The following FAM83G variants were observed in gnomAD, a reference collection of about 807,000 sequenced individuals.
The protein encoded by FAM83G is scaffolding CK1 anchoring protein G.
FAM83G carries 38 observed loss-of-function variants against 61.5 expected under a neutral mutation model. The ratio of observed to expected loss-of-function variants is 0.62; its 90% confidence interval spans 0.48 to 0.81. FAM83G has a LOEUF of 0.81. FAM83G is among the 30% of genes least tolerant of loss of function. FAM83G has a pLI of 0.00. For synonymous variants in FAM83G, 470 were observed against 476.1 expected (o/e 0.99, Z 0.17); for missense variants, 989 against 1,133.6 (o/e 0.87, Z 1.83).
rs2043829966 is a variant in FAM83G at position 19,004,641 on chromosome 17, A to G, written c.-129+68T>C. 6.6e-6 allele frequency: 1 copy of G among 150,672 alleles called. No homozygotes were observed. Among genetic ancestry groups the G allele is most frequent in the African/African-American group, 2.4e-5 (1 of 41,130 alleles). 9.3% of individuals were successfully genotyped at this position (150,672 alleles called of 1,614,324 possible). A position where few individuals can be genotyped will look rare whatever the true frequency, so the allele number is the denominator to read the frequency against. ...TGGGAGGGGTCCAGGAGACCCAGAA[A>G]CGCGGTTGCGGGGCGGCGACGCCCC... On this transcript the variant is annotated intron_variant, in intron 1 of 5. Transcript: ENST00000388995. This position sits in a 1 kb window ranked among gnomAD's most constrained non-coding sequence, Gnocchi z 5.4.
intron 2 of FAM83G, among the ~76,000 whole-genome samples, chr17:18,997,838 A>G (rs2043605727): frequency 6.6e-6 from 1 of 152,176 alleles, no homozygotes; most frequent in South Asian, 2.1e-4. Context: ...TCTGGCATCT[A>G]CCGATGCCAG....
chr17:19,001,313 C>T (rs2152141255), intron 2 of FAM83G, among the ~76,000 whole-genome samples: 1 of 152,326 alleles, frequency 6.6e-6, no homozygotes, highest in East Asian at 1.9e-4. Context: ...CCCTGTCCTT[C>T]TCTGTGCCTC....
In FAM83G at chr17:19,003,679, G is replaced by C. The variant is rs890948906; in HGVS notation, c.363C>G (p.Pro121=). 6.2e-7 allele frequency: 1 copy of C among 1,610,916 alleles called. No homozygotes were observed. Among genetic ancestry groups the C allele is most frequent in the Non-Finnish European group, 8.5e-7 (1 of 1,178,912 alleles). ...GCGGGATGGAGCGGTCCGACTTCTG[G>C]GGCCAGTACTCCAGGGAGGGCAGCG... ...AEPLPSLEYW[P]QKSDRSIPQL... Residue 121 remains proline, a synonymous_variant, in exon 2 of 6, where the codon CCC becomes CCG. Transcript: ENST00000388995. This position sits in a 1 kb window ranked among gnomAD's most constrained non-coding sequence, Gnocchi z 4.5.
At chr17:18,985,236 C>CA (rs2043240594) in intron 3 of FAM83G, among the ~76,000 whole-genome samples, 1 of 152,354 alleles carries the variant, frequency 6.6e-6, no homozygotes, top group African/African-American at 2.4e-5. Flanking sequence ...CTCCTTCACT[C>CA]TTCACAGCAC....
In FAM83G at chr17:19,003,870, A is replaced by T. The variant is rs2043803679; in HGVS notation, c.172T>A (p.Phe58Ile). 2 of 1,612,890 alleles carry T rather than the reference A, an allele frequency of 1.2e-6. No individual in the cohort carries two copies. Among genetic ancestry groups the T allele is most frequent in the Non-Finnish European group, 1.7e-6 (2 of 1,179,920 alleles). The change falls in exon 2 of 6, where the codon TTC becomes ATC. Residue 58 changes from phenylalanine to isoleucine, a missense_variant. Physicochemically the swap from Phe to Ile is conservative, Grantham distance 21. Transcript: ENST00000388995. The surrounding 1 kb of genome is among the most constrained non-coding windows in gnomAD (Gnocchi z 4.5). The part of the protein sequence containing the change: ...EVLKRENIRD[F>I]LSELELKRIL... The stretch of plus-strand genomic sequence containing the variant: ...CGCTTGAGCTCCAGCTCCGAGAGGA[A>T]GTCTCGGATGTTCTCCCGCTTGAGC...
At chr17:19,002,301 C>T (rs1175853607) in intron 2 of FAM83G, among the ~76,000 whole-genome samples, 1 of 152,188 alleles carries the variant, frequency 6.6e-6, no homozygotes, top group African/African-American at 2.4e-5. Context: ...GGCCAGGCGC[C>T]CCCACCCAGC....
intron 2 of FAM83G, among the ~76,000 whole-genome samples, chr17:18,997,814 G>A (rs1277662112): frequency 1.3e-5 from 2 of 152,240 alleles, no homozygotes; most frequent in Non-Finnish European, 2.9e-5. Context: ...AGGTGGAGGA[G>A]GCGAGGGGAG....
chr17:19,005,186 G>A (rs538236634), upstream of FAM83G, among the ~76,000 whole-genome samples: 6 of 152,348 alleles, frequency 3.9e-5, no homozygotes, highest in African/African-American at 1.4e-4. Flanking sequence ...CCCCAGGCAG[G>A]GATAGGGCAC....
At chr17:19,002,625 T>C (rs982340241) in intron 2 of FAM83G, among the ~76,000 whole-genome samples, 1 of 152,184 alleles carries the variant, frequency 6.6e-6, no homozygotes, top group Non-Finnish European at 1.5e-5. Context: ...GCTTTATCTA[T>C]CAAATTAAGA....
intron 3 of FAM83G, among the ~76,000 whole-genome samples, chr17:18,986,605 G>C (rs1409558578): frequency 6.6e-6 from 1 of 152,246 alleles, no homozygotes; most frequent in Non-Finnish European, 1.5e-5. Context: ...TGGAAACTCA[G>C]AACTCTGCAA....
At position 19,003,903 on chromosome 17, in the gene FAM83G, A is replaced by T. The variant is rs749914318; in HGVS notation, c.139T>A (p.Tyr47Asn). 8.1e-5 allele frequency: 131 copies of T among 1,612,850 alleles called. No individual in the cohort carries two copies. The highest frequency in any genetic ancestry group is 1.1e-4 in the Non-Finnish European group (125 of 1,179,930). Residue 47 changes from tyrosine (Y) to asparagine (N), a missense_variant, in exon 2 of 6, where the codon TAC becomes AAC. Physicochemically the swap from Tyr to Asn is moderately radical, Grantham distance 143. Transcript: ENST00000388995. This position sits in a 1 kb window ranked among gnomAD's most constrained non-coding sequence, Gnocchi z 4.5. ...ATGTTCTCCCGCTTGAGCACCTCGT[A>T]GAAGGCGTCCCGGCCGCGGGCCACC... The part of the protein sequence containing the change: ...ALVARGRDAF[Y>N]EVLKRENIRD...
In FAM83G at chr17:18,970,979, C is replaced by G; in HGVS notation, c.*380G>C. The G allele has an allele frequency of 1.9e-6, 3 of 1,608,108 alleles. No homozygotes were observed. Among genetic ancestry groups the G allele is most frequent in the Non-Finnish European group, 2.6e-6 (3 of 1,175,252 alleles). On this transcript the variant is annotated 3_prime_UTR_variant, in exon 6 of 6. Transcript: ENST00000388995. ...CCAGGGAGTCAGGGCCCCGCAACCA[C>G]CAAACTGTCCCTGTTCCACCCTGAC... is the stretch of plus-strand genomic sequence containing the variant.
intron 2 of FAM83G, 119 bp from the exon 3 acceptor site, chr17:18,988,533 C>T: frequency 6.7e-7 from 1 of 1,502,056 alleles, no homozygotes; most frequent in Non-Finnish European, 9.0e-7. Context: ...CACTCTGGCC[C>T]TACTCCTGGA....
intron 2 of FAM83G, among the ~76,000 whole-genome samples, chr17:18,989,354 G>A (rs925233253): frequency 3.3e-5 from 5 of 152,306 alleles, no homozygotes; most frequent in Admixed American, 2.0e-4. Flanking sequence ...TGGTGGAGGC[G>A]GCCTGGAGCC....
intron 3 of FAM83G, among the ~76,000 whole-genome samples, chr17:18,979,988 C>G (rs1036566571): frequency 1.3e-5 from 2 of 152,160 alleles, no homozygotes; most frequent in Non-Finnish European, 2.9e-5. Flanking sequence ...ACACAGCCAG[C>G]CAGCTTGGGA....
At chr17:19,001,348 A>G (rs2043724625) in intron 2 of FAM83G, among the ~76,000 whole-genome samples, 1 of 152,094 alleles carries the variant, frequency 6.6e-6, no homozygotes. Flanking sequence ...TCAGATGAGG[A>G]GCTTAGTCTC....
At chr17:18,988,047 G>A (rs1044725578) in intron 3 of FAM83G, among the ~76,000 whole-genome samples, 200 bp downstream of exon 3, 66 of 152,356 alleles carry the variant, frequency 4.3e-4, no homozygotes, top group Admixed American at 3.3e-3. Flanking sequence ...TCTCTGCCAC[G>A]TTGGAGGTAG....
In FAM83G at chr17:18,977,710, G is replaced by A. The variant is rs1354675156; in HGVS notation, c.1956C>T (p.Pro652=). The A allele has an allele frequency of 6.2e-7, 1 of 1,610,064 alleles. No individual in the cohort carries two copies. The highest frequency in any genetic ancestry group is 2.2e-5 in the East Asian group (1 of 44,880). ...CAACAAAGGTCCCTCGGGTTATATG[G>A]GGGGCACTCAGCTGCCGGCGCGGTG... ...TPPPRRQLSA[P]HITRGTFVGP... is the part of the protein sequence containing the mutation. Residue 652 remains proline, a synonymous_variant, in exon 5 of 6, where the codon CCC becomes CCT. Transcript: ENST00000388995.
At chr17:18,977,521 G>C in intron 5 of FAM83G, 63 bp downstream of exon 5, 5 of 1,494,314 alleles carry the variant, frequency 3.3e-6, no homozygotes, top group Non-Finnish European at 4.5e-6. Context: ...ACAACAGCTC[G>C]AGCTCTTGGG....
Sources: gnomAD v4.1 joint callset for allele counts (sites outside exome capture counted in the v4.1 genomes callset) on GRCh38, gnomAD v4.1.1 for gene constraint, Gnocchi (gnomAD v3.1) non-coding constraint, MANE v1.5 for transcripts, NCBI Gene and HGNC (gene_info 2026-07-23, HGNC 2026-07-21) for gene names.